The following NLRC5 variants were observed in gnomAD, a reference collection of about 807,000 sequenced individuals.
The protein encoded by NLRC5 is protein NLRC5.
A neutral mutation model predicts 206.9 loss-of-function variants in NLRC5; 114 were observed. The ratio of observed to expected loss-of-function variants is 0.55; its 90% confidence interval spans 0.47 to 0.64. NLRC5 has a LOEUF of 0.64. Among genes scored for constraint, NLRC5 ranks in the 30% least tolerant of loss-of-function variants. The pLI, the probability that NLRC5 is intolerant of heterozygous loss-of-function variation, is 0.00. For missense variants in NLRC5, 2,008 were observed against 2,305.5 expected (o/e 0.87, Z 2.64); for synonymous variants, 952 against 962.8 (o/e 0.99, Z 0.21).
intron 1 of NLRC5, among the ~76,000 whole-genome samples, chr16:57,011,297 C>CA (rs1261822070): frequency 6.6e-6 from 1 of 151,878 alleles, no homozygotes; most frequent in African/African-American, 2.4e-5. Flanking sequence ...CCTATAATCC[C>CA]AGCTTCTCAG....
chr16:57,039,752 G>C, intron 15 of NLRC5, 29 bp from the exon 16 acceptor site: 1 of 1,604,728 alleles, frequency 6.2e-7, no homozygotes, highest in African/African-American at 1.3e-5. Context: ...ATAACCTCTC[G>C]CTTCCTCACC....
At chr16:57,043,437 C>A in intron 19 of NLRC5, 78 bp from the exon 20 acceptor site, 1 of 1,111,330 alleles carries the variant, frequency 9.0e-7, no homozygotes, top group Non-Finnish European at 1.4e-6. Context: ...GATCCCTCCC[C>A]CGCCCTGTGC....
Position 57,026,245 on chromosome 16 carries a change from C to T in NLRC5, c.1302C>T (p.Asn434=), listed in dbSNP as rs566557427. The change falls in exon 6 of 49, where the codon AAC becomes AAT. Residue 434 remains asparagine, a synonymous_variant. Transcript: ENST00000688547. ...APGQSVALLP[N]MTQLYMQMVL... ...GCCAGTCTGTGGCCCTCCTGCCCAA[C>T]ATGACTCAGCTCTATATGCAGATGG... 4 of 1,613,912 alleles carry T rather than the reference C, an allele frequency of 2.5e-6. No homozygotes were observed. Among genetic ancestry groups the T allele is most frequent in the East Asian group, 2.2e-5 (1 of 44,890 alleles).
intron 32 of NLRC5, among the ~76,000 whole-genome samples, chr16:57,064,161 G>A (rs1458933279): frequency 4.6e-5 from 7 of 152,020 alleles, no homozygotes; most frequent in African/African-American, 7.2e-5. Flanking sequence ...GAGCTCAGGC[G>A]TTCAAGACCA....
chr16:57,029,944 G>A, intron 9 of NLRC5, 51 bp from the exon 10 acceptor site: 2 of 1,607,410 alleles, frequency 1.2e-6, no homozygotes, highest in Non-Finnish European at 1.7e-6. Context: ...AAGGTCTGGG[G>A]CCCCTGGGGT....
chr16:56,997,737 T>C (rs1373592615), intron 1 of NLRC5, among the ~76,000 whole-genome samples: 3 of 152,012 alleles, frequency 2.0e-5, no homozygotes, highest in Admixed American at 6.6e-5. Flanking sequence ...CACGACACCA[T>C]GCCTGGCTAA....
In NLRC5 at chr16:57,065,211, G is replaced by A. The variant is rs754163617; in HGVS notation, c.4155-1G>A. 4 of 1,523,640 alleles carry A rather than the reference G, an allele frequency of 2.6e-6. No individual in the cohort carries two copies. In the South Asian group the frequency reaches 5.0e-5, roughly 19 times the overall value. 94.4% of individuals were successfully genotyped at this position (1,523,640 alleles called of 1,614,324 possible). ...CTTATCTGTGTCCCCTTCTGTGACA[G>A]GGTGCAGGAGCCGTGGGCGGACAGA... On this transcript the variant is annotated splice_acceptor_variant, in intron 32 of 48. Coordinates refer to ENST00000688547, the MANE Select transcript of NLRC5 (RefSeq NM_001384950.1). LOFTEE classifies it high-confidence loss of function.
chr16:57,047,115 G>T (rs289724), intron 22 of NLRC5, among the ~76,000 whole-genome samples: 105,265 of 152,092 alleles, frequency 0.69, 37,344 homozygotes, highest in African/African-American at 0.86. Flanking sequence ...CAATTTCACT[G>T]TTAGCCCCAG....
intron 1 of NLRC5, among the ~76,000 whole-genome samples, chr16:57,008,632 C>G (rs1183044620): frequency 6.6e-6 from 1 of 152,116 alleles, no homozygotes; most frequent in African/African-American, 2.4e-5. Context: ...TAAAAACAAC[C>G]CTTTATTAAA....
At chr16:57,074,197 C>A in intron 38 of NLRC5, 1 of 162,356 alleles carries the variant, frequency 6.2e-6, no homozygotes, top group Non-Finnish European at 1.4e-5. Flanking sequence ...CTGAAGCAGC[C>A]ACTTTGTGTA....
At chr16:57,034,058 A>G in intron 12 of NLRC5, 110 bp from the exon 13 acceptor site, 2 of 822,084 alleles carry the variant, frequency 2.4e-6, no homozygotes, top group Non-Finnish European at 4.0e-6. Context: ...TGTGGCTAGG[A>G]TTAGACCCAG....
At chr16:56,993,348 T>A (rs757759257) in intron 1 of NLRC5, among the ~76,000 whole-genome samples, 19 of 152,180 alleles carry the variant, frequency 1.2e-4, no homozygotes, top group Non-Finnish European at 2.5e-4. Flanking sequence ...TTTCACCGTA[T>A]GACTGCTCTG....
chr16:57,009,749 G>T (rs1255929578), intron 1 of NLRC5, among the ~76,000 whole-genome samples: 1 of 152,168 alleles, frequency 6.6e-6, no homozygotes, highest in African/African-American at 2.4e-5. Context: ...TAAATTTAAA[G>T]TGATCAAGTT....
chr16:57,003,341 T>C (rs113104777), intron 1 of NLRC5, among the ~76,000 whole-genome samples: 1,687 of 152,302 alleles, frequency 0.011, 32 homozygotes, highest in African/African-American at 0.038. Flanking sequence ...TGAGCCACCA[T>C]GCCCAGCCTG....
intron 6 of NLRC5, among the ~76,000 whole-genome samples, chr16:57,027,386 G>A (rs1176052610): frequency 6.6e-6 from 1 of 152,216 alleles, no homozygotes; most frequent in Admixed American, 6.5e-5. Flanking sequence ...AACTCATATG[G>A]TCATTGCAAG....
In NLRC5 at chr16:57,076,867, G is replaced by A; in HGVS notation, c.4800G>A (p.Glu1600=). 6.2e-7 allele frequency: 1 copy of A among 1,614,062 alleles called. No homozygotes were observed. Among genetic ancestry groups the A allele is most frequent in the Non-Finnish European group, 8.5e-7 (1 of 1,180,030 alleles). ...IGDVGCCHLS[E]ALRAATSLEE... is the part of the protein sequence containing the mutation. ...ATGTCGGTTGCTGCCACCTTTCTGA[G>A]GCTCTCAGGGCTGCCACCAGCCTAG... is the stretch of plus-strand genomic sequence containing the variant. Residue 1600 remains glutamate, a synonymous_variant, in exon 40 of 49, where the codon GAG becomes GAA. Coordinates refer to ENST00000688547, the MANE Select transcript of NLRC5 (RefSeq NM_001384950.1).
At chr16:57,065,421 A>T (rs2066977479) in intron 33 of NLRC5, 123 bp downstream of exon 33, 1 of 575,898 alleles carries the variant, frequency 1.7e-6, no homozygotes, top group Non-Finnish European at 2.7e-6. Flanking sequence ...CCATGTCCCC[A>T]GGGTAGCAGG....
intron 21 of NLRC5, 30 bp downstream of exon 21, chr16:57,045,522 T>G (rs2063826613): frequency 6.2e-7 from 1 of 1,602,800 alleles, no homozygotes; most frequent in Admixed American, 1.7e-5. Flanking sequence ...GGTGGGGGAG[T>G]CCCCTCCCGC....
chr16:57,034,022 C>A, intron 12 of NLRC5, 146 bp from the exon 13 acceptor site: 1 of 644,040 alleles, frequency 1.6e-6, no homozygotes, highest in Non-Finnish European at 2.7e-6. Flanking sequence ...AAGTCCCTTG[C>A]TCAAGATCAC....
Sources: allele counts gnomAD v4.1 joint callset (sites outside exome capture counted in the v4.1 genomes callset), GRCh38; gene constraint gnomAD v4.1.1; transcripts MANE v1.5; gene names NCBI Gene and HGNC (gene_info 2026-07-23, HGNC 2026-07-21).